Variants in KATNAL1 observed in about 807,000 individuals in gnomAD.
The protein encoded by KATNAL1 is katanin p60 ATPase-containing subunit A-like 1.
Under a neutral mutation model 55.2 loss-of-function variants are expected in KATNAL1, and 32 were observed. The ratio of observed to expected loss-of-function variants is 0.58; its 90% CI spans 0.44 to 0.78. The LOEUF is 0.78. Among genes scored for constraint, KATNAL1 ranks in the 30% least tolerant of loss-of-function variants. KATNAL1 has a pLI of 0.00. For synonymous variants in KATNAL1, 193 were observed against 193.6 expected, an observed-to-expected ratio of 1.00 and a Z score of 0.02; for missense variants, 466 against 600.9, an observed-to-expected ratio of 0.78 and a Z score of 2.35.
chr13:30,218,227 T>TAAAAAA (rs1555258843), intron 9 of KATNAL1, among the ~76,000 whole-genome samples: 2 of 145,308 alleles, frequency 1.4e-5, no homozygotes, highest in African/African-American at 5.1e-5. Flanking sequence ...TATATATATA[T>TAAAAAA]AAAGGACCTG....
rs1873064636 is a variant in KATNAL1, at chr13:30,205,768, G to GTGTA, written c.*2771_*2772insTACA. ...ATAAAGACTGTGTGTGTGTGTGTGTGTGTGTGTGTGTGTGTGTGTGTCTCA... is the reference window on the plus strand; with the variant it reads ...ATAAAGACTGTGTGTGTGTGTGTGTGTGTATGTGTGTGTGTGTGTGTGTGTCTCA... On this transcript the variant is annotated 3_prime_UTR_variant, in exon 11 of 11. Transcript: ENST00000380615. 1 of 154,804 alleles carries GTGTA rather than the reference G, an allele frequency of 6.5e-6. No homozygotes were observed. Among genetic ancestry groups the GTGTA allele is most frequent in the African/African-American group, 2.4e-5 (1 of 41,170 alleles). 9.6% of individuals were successfully genotyped at this position (154,804 alleles called of 1,614,324 possible).
At chr13:30,209,284 C>T (rs1292222103) in intron 10 of KATNAL1, among the ~76,000 whole-genome samples, 1 of 152,140 alleles carries the variant, frequency 6.6e-6, no homozygotes, top group Non-Finnish European at 1.5e-5. Flanking sequence ...CTTTGACCAA[C>T]TATAAATAAA....
intron 4 of KATNAL1, among the ~76,000 whole-genome samples, chr13:30,246,792 G>C (rs1455262471): frequency 2.0e-5 from 3 of 152,078 alleles, no homozygotes; most frequent in Non-Finnish European, 4.4e-5. Flanking sequence ...CATGAAAAAA[G>C]TTCATCATCA....
chr13:30,242,798 G>A (rs1294309783), intron 4 of KATNAL1, among the ~76,000 whole-genome samples: 1 of 151,904 alleles, frequency 6.6e-6, no homozygotes, highest in East Asian at 1.9e-4. Context: ...ACCGATCGAG[G>A]ACTACAAAAA....
chr13:30,299,980 A>AACAC (rs143141264), intron 1 of KATNAL1, among the ~76,000 whole-genome samples: 20 of 151,198 alleles, frequency 1.3e-4, no homozygotes, highest in East Asian at 3.9e-4. Flanking sequence ...CATCACCCAC[A>AACAC]ACACACACAC....
intron 2 of KATNAL1, among the ~76,000 whole-genome samples, chr13:30,280,666 T>C (rs1881213724): frequency 6.6e-6 from 1 of 152,278 alleles, no homozygotes; most frequent in African/African-American, 2.4e-5. Flanking sequence ...ACGCCTGTCA[T>C]GAGTGTCTGA....
At chr13:30,279,953 C>A in intron 3 of KATNAL1, 110 bp downstream of exon 3, 2 of 897,006 alleles carry the variant, frequency 2.2e-6, no homozygotes. Flanking sequence ...AAAACAGATA[C>A]TGAAATTACA....
chr13:30,296,632 C>A, intron 1 of KATNAL1: 1 of 694,254 alleles, frequency 1.4e-6, no homozygotes, highest in Non-Finnish European at 2.7e-6. Flanking sequence ...ATCCAGTACA[C>A]GGACGAGCAC....
intron 1 of KATNAL1, among the ~76,000 whole-genome samples, chr13:30,291,373 G>C (rs921024905): frequency 2.6e-5 from 4 of 152,194 alleles, no homozygotes; most frequent in Admixed American, 6.5e-5. Context: ...ATATGTGCAA[G>C]ATCTGTAACC....
At chr13:30,288,690 T>C (rs1327993283) in intron 1 of KATNAL1, among the ~76,000 whole-genome samples, 2 of 152,356 alleles carry the variant, frequency 1.3e-5, no homozygotes, top group East Asian at 1.9e-4. Flanking sequence ...AATATTCAGA[T>C]TGACAGCAGT....
chr13:30,270,864 C>T (rs1383251954), intron 3 of KATNAL1, among the ~76,000 whole-genome samples: 3 of 150,776 alleles, frequency 2.0e-5, no homozygotes, highest in Non-Finnish European at 4.4e-5. Context: ...TGTCCTATGA[C>T]CCTGCCAAAT....
rs1447399213 is a variant in KATNAL1 at position 30,283,615 on chromosome 13, C to T, written c.162+1G>A. 1 of 1,613,580 alleles carries T rather than the reference C, an allele frequency of 6.2e-7. No individual in the cohort carries two copies. On this transcript the variant is annotated splice_donor_variant, in intron 2 of 10. Transcript: ENST00000380615. LOFTEE classifies it high-confidence loss of function. ...CATCTAATACTTTAATACCATCTTACCTGTTGCCATTTGCCTTTGATAGCT... is the reference window on the plus strand; with the variant it reads ...CATCTAATACTTTAATACCATCTTATCTGTTGCCATTTGCCTTTGATAGCT...
rs1004046711 is a variant in KATNAL1 at position 30,206,478 on chromosome 13, T to C, written c.*2062A>G. On this transcript the variant is annotated 3_prime_UTR_variant, in exon 11 of 11. Coordinates refer to ENST00000380615, the MANE Select transcript of KATNAL1 (RefSeq NM_032116.5). ...AAGTTAGGCTCCCAGGAAGTTTAAG[T>C]TGCCAAATACTGCTTAACTGGTATT... The C allele has an allele frequency of 2.6e-5, 4 of 152,014 alleles. No homozygotes were observed. The highest frequency in any genetic ancestry group is 7.2e-5 in the African/African-American group (3 of 41,388). The allele number at this position is 152,014 out of a possible 1,614,324, so 9.4% of individuals were successfully genotyped here.
intron 3 of KATNAL1, among the ~76,000 whole-genome samples, chr13:30,274,408 T>G (rs974602288): frequency 6.6e-5 from 10 of 151,792 alleles, no homozygotes; most frequent in African/African-American, 2.4e-4. Context: ...TTGCTGAAAT[T>G]CTACAGAATA....
At chr13:30,247,751 CTAAGA>C (rs1037334228) in intron 4 of KATNAL1, among the ~76,000 whole-genome samples, 3 of 152,136 alleles carry the variant, frequency 2.0e-5, no homozygotes, top group African/African-American at 7.2e-5. Flanking sequence ...GGCATTTAAT[CTAAGA>C]TAAGAAGCCA....
At position 30,271,878 on chromosome 13, in the gene KATNAL1, G is replaced by GAAAAAAAAAAAA. The variant is rs71299873; in HGVS notation, c.323+8173_323+8184dup. On this transcript the variant is annotated intron_variant, in intron 3 of 10. Transcript: ENST00000380615. ...CTGCAGTCAGAATAAAAGAAAAGAG[G>GAAAAAAAAAAAA]AAAAAAAAAAAAAAAAAAAAAACAG... 3.9e-5 allele frequency among the ~76,000 whole-genome samples: 3 copies of GAAAAAAAAAAAA among 76,790 alleles called. 1 individual carries two copies. Among genetic ancestry groups the GAAAAAAAAAAAA allele is most frequent in the Admixed American group, 3.1e-4 (2 of 6,546 alleles). The allele number at this position is 76,790 out of a possible 152,430, so 50.4% of individuals were successfully genotyped here.
intron 4 of KATNAL1, among the ~76,000 whole-genome samples, chr13:30,245,208 G>A (rs997089695): frequency 2.0e-5 from 3 of 152,090 alleles, no homozygotes; most frequent in Non-Finnish European, 2.9e-5. Context: ...TATCCACCAC[G>A]ATCAAGTTGG....
intron 4 of KATNAL1, among the ~76,000 whole-genome samples, chr13:30,250,486 C>CA (rs1187400068): frequency 1.3e-5 from 2 of 151,992 alleles, no homozygotes; most frequent in Non-Finnish European, 2.9e-5. Flanking sequence ...CATTATTCAT[C>CA]AAAAAAGTAT....
chr13:30,230,564 T>C lies in KATNAL1; in HGVS notation c.916A>G (p.Ile306Val), dbSNP rs757756017. The change falls in exon 8 of 11, where the codon ATT (isoleucine) becomes GTT (valine). Residue 306 changes from isoleucine to valine, a missense_variant. Physicochemically the swap from Ile to Val is conservative, Grantham distance 29. This residue lies in a region of KATNAL1 where 213 missense variants were observed against 308.6 expected (regional missense o/e 0.69). Transcript: ENST00000380615. ...ARFYAPTTIF[I>V]DEIDSICSRR... ...CTGCAGATAGAATCTATCTCATCAA[T>C]GAAGATCGTGGTAGGGGCATAAAAT... 36 of 1,610,718 alleles carry C rather than the reference T, an allele frequency of 2.2e-5. No individual in the cohort carries two copies. Among genetic ancestry groups the C allele is most frequent in the Non-Finnish European group, 3.1e-5 (36 of 1,177,658 alleles).
Sources: allele counts gnomAD v4.1 joint callset (sites outside exome capture counted in the v4.1 genomes callset), GRCh38; gene constraint gnomAD v4.1.1; regional missense constraint gnomAD v4.1.1; transcripts MANE v1.5; gene names NCBI Gene and HGNC (gene_info 2026-07-23, HGNC 2026-07-21).